TANC2: variants seen among roughly 807,000 people sequenced by gnomAD.
TANC2 encodes the protein tetratricopeptide repeat, ankyrin repeat and coiled-coil containing 2.
A neutral mutation model predicts 210.5 loss-of-function variants in TANC2; 26 were observed. The observed-to-expected ratio is 0.12, with a 90% CI of 0.09 to 0.17. The LOEUF (loss-of-function observed/expected upper bound fraction) is 0.17, where lower values mean the gene tolerates loss of function less well. Among genes scored for constraint, TANC2 ranks in the 10% least tolerant of loss-of-function variants. The pLI, the probability that TANC2 is intolerant of heterozygous loss-of-function variation, is 1.00. For missense variants in TANC2, 2,129 were observed against 2,608.9 expected (o/e 0.82, Z 4.01); for synonymous variants, 931 against 967.1 (o/e 0.96, Z 0.69).
chr17:63,138,893 T>TA (rs1330545378), intron 4 of TANC2, among the ~76,000 whole-genome samples: 1 of 152,228 alleles, frequency 6.6e-6, no homozygotes, highest in African/African-American at 2.4e-5. Flanking sequence ...ACCATGGACA[T>TA]AGATTCTTCA....
rs115701851 is a variant in TANC2, at chr17:63,147,235, C to T, written c.323-4035C>T. 1.8e-4 allele frequency among the ~76,000 whole-genome samples: 27 copies of T among 151,976 alleles called. No homozygotes were observed. The East Asian group carries it at 3.9e-3, about 22-fold the overall frequency. ...GCACATGACTGTGGTCCCGACTACT[C>T]GGAAGGCTGAGATGGGAGAATCACT... On this transcript the variant is annotated intron_variant, in intron 4 of 27. Transcript: ENST00000689528.
chr17:62,991,959 G>A (rs1044475116), intron 1 of TANC2, among the ~76,000 whole-genome samples: 5 of 152,070 alleles, frequency 3.3e-5, no homozygotes, highest in Non-Finnish European at 1.5e-5. Context: ...CCCTTTGTGT[G>A]TGGGGTTCTG....
intron 2 of TANC2, among the ~76,000 whole-genome samples, chr17:63,024,544 C>G (rs1262982007): frequency 2.0e-5 from 3 of 152,094 alleles, no homozygotes; most frequent in Non-Finnish European, 4.4e-5. Flanking sequence ...GTGCTGATCT[C>G]CTATCTCATT....
chr17:63,066,230 G>A (rs543105248), intron 2 of TANC2, among the ~76,000 whole-genome samples: 2 of 152,248 alleles, frequency 1.3e-5, no homozygotes, highest in South Asian at 2.1e-4. Context: ...TGGTTCTGGG[G>A]CTAGTGTGGA....
intron 5 of TANC2, among the ~76,000 whole-genome samples, chr17:63,161,982 A>G (rs1289827504): frequency 6.6e-6 from 1 of 152,184 alleles, no homozygotes; most frequent in African/African-American, 2.4e-5. Flanking sequence ...AATCTTGACA[A>G]GCCACTTTGG....
intron 24 of TANC2, 31 bp from the exon 25 acceptor site, chr17:63,413,512 T>A (rs1294534036): frequency 6.5e-7 from 1 of 1,546,178 alleles, no homozygotes. Context: ...TGTATGAGTT[T>A]TTTACCCATC....
chr17:63,101,412 T>A (rs2037616563), intron 4 of TANC2, among the ~76,000 whole-genome samples: 1 of 152,222 alleles, frequency 6.6e-6, no homozygotes, highest in South Asian at 2.1e-4. Context: ...TTGTATGTAT[T>A]CATATTACCA....
chr17:63,280,166 T>C (rs552962505), intron 9 of TANC2, among the ~76,000 whole-genome samples: 49 of 152,198 alleles, frequency 3.2e-4, no homozygotes, highest in Admixed American at 2.4e-3. Flanking sequence ...TTAATTCCAC[T>C]TGCCCAGGGT....
At chr17:63,273,720 T>C (rs1362537869) in intron 9 of TANC2, among the ~76,000 whole-genome samples, 2 of 152,230 alleles carry the variant, frequency 1.3e-5, no homozygotes, top group Non-Finnish European at 2.9e-5. Context: ...CCTCCTTCAA[T>C]ACTGCCTCTC....
chr17:63,233,182 T>G (rs1037963136), intron 7 of TANC2, among the ~76,000 whole-genome samples: 14 of 152,102 alleles, frequency 9.2e-5, no homozygotes, highest in African/African-American at 2.9e-4. Context: ...TCATCTTAGG[T>G]AGGAGGCAGC....
intron 3 of TANC2, among the ~76,000 whole-genome samples, chr17:63,081,705 T>C (rs576307668): frequency 1.3e-5 from 2 of 152,026 alleles, no homozygotes; most frequent in Admixed American, 6.5e-5. Context: ...TAATTTATAA[T>C]CTTAAGCTCT....
intron 2 of TANC2, among the ~76,000 whole-genome samples, chr17:63,050,567 T>G (rs1403887922): frequency 6.6e-6 from 1 of 152,098 alleles, no homozygotes; most frequent in African/African-American, 2.4e-5. Flanking sequence ...CAGTCTATCA[T>G]GTAGAGACTG....
chr17:63,289,518 GT>G (rs1484794709), intron 9 of TANC2, among the ~76,000 whole-genome samples: 1 of 152,008 alleles, frequency 6.6e-6, no homozygotes, highest in Non-Finnish European at 1.5e-5. Flanking sequence ...CTTTTGCAGT[GT>G]TTTTTAATCT....
chr17:63,399,230 G>C (rs559286997), intron 19 of TANC2: 39 of 174,806 alleles, frequency 2.2e-4, no homozygotes, highest in Non-Finnish European at 3.9e-4. Context: ...ATTGTGGCCT[G>C]TCTCCTTTTT....
intron 1 of TANC2, among the ~76,000 whole-genome samples, chr17:62,997,085 G>C (rs1426396371): frequency 6.7e-6 from 1 of 148,226 alleles, no homozygotes; most frequent in Non-Finnish European, 1.5e-5. Context: ...AAAGTGCTGG[G>C]ATTACAGGTG....
At chr17:63,021,613 T>G (rs750662754) in intron 2 of TANC2, among the ~76,000 whole-genome samples, 1 of 152,218 alleles carries the variant, frequency 6.6e-6, no homozygotes, top group African/African-American at 2.4e-5. Flanking sequence ...TTATCCAGTC[T>G]CAAGTATTCT....
At chr17:63,018,136 A>G (rs186133822) in intron 2 of TANC2, among the ~76,000 whole-genome samples, 35 of 152,244 alleles carry the variant, frequency 2.3e-4, no homozygotes, top group Middle Eastern at 6.8e-3. Context: ...TATGAAAAAA[A>G]AAGAGCAGTT....
At chr17:63,308,927 C>T (rs1013646831) in intron 9 of TANC2, among the ~76,000 whole-genome samples, 2 of 151,888 alleles carry the variant, frequency 1.3e-5, no homozygotes, top group Non-Finnish European at 2.9e-5. Flanking sequence ...TCCTATCATA[C>T]CTTCACTATT....
At chr17:63,060,630 A>AT (rs1335456697) in intron 2 of TANC2, among the ~76,000 whole-genome samples, 2 of 149,548 alleles carry the variant, frequency 1.3e-5, no homozygotes, top group Non-Finnish European at 3.0e-5. Context: ...CAAAAAAAAA[A>AT]CAAGTCCTCA....
Sources: gnomAD v4.1 joint callset for allele counts (sites outside exome capture counted in the v4.1 genomes callset) on GRCh38, gnomAD v4.1.1 for gene constraint, MANE v1.5 for transcripts, NCBI Gene and HGNC (gene_info 2026-07-23, HGNC 2026-07-21) for gene names.